The following DACH1 variants were observed in gnomAD, a reference collection of about 807,000 sequenced individuals.
The protein encoded by DACH1 is dachshund family transcription factor 1.
Under a neutral mutation model 54.2 loss-of-function variants are expected in DACH1, and 12 were observed. The ratio of observed to expected loss-of-function variants is 0.22; its 90% confidence interval spans 0.14 to 0.36. The LOEUF (loss-of-function observed/expected upper bound fraction) is 0.36, where lower values mean the gene tolerates loss of function less well. Among genes scored for constraint, DACH1 ranks in the 10% least tolerant of loss-of-function variants. The pLI is 1.00. For synonymous variants in DACH1, 386 were observed against 366.2 expected (o/e 1.05, Z -0.62); for missense variants, 805 against 929.8 (o/e 0.87, Z 1.75).
At chr13:71,673,177 G>T (rs951584640) in intron 2 of DACH1, among the ~76,000 whole-genome samples, 12 of 152,054 alleles carry the variant, frequency 7.9e-5, no homozygotes, top group African/African-American at 2.7e-4. Flanking sequence ...GTAGATGAGA[G>T]GACTGTCCAG....
chr13:71,611,862 A>G (rs1254376818), intron 3 of DACH1, among the ~76,000 whole-genome samples: 1 of 152,138 alleles, frequency 6.6e-6, no homozygotes, highest in Non-Finnish European at 1.5e-5. Flanking sequence ...AAAATTCCCA[A>G]GATGTGCATG....
rs2138254476 is a variant in DACH1, at chr13:71,509,912, A to T, written c.1571-20764T>A. On this transcript the variant is annotated intron_variant, in intron 6 of 10. Transcript: ENST00000613252. ...CTCTGTTATCTTATCTTTTCCTCAC[A>T]ATTTAATCTTGAGCTCATTCTAGTC... Among the ~76,000 whole-genome samples, 3 of 152,166 alleles carry T rather than the reference A, an allele frequency of 2.0e-5. No individual in the cohort carries two copies. The South Asian group carries it at 6.2e-4, about 32-fold the overall frequency.
At chr13:71,750,076 G>A (rs182493070) in intron 1 of DACH1, among the ~76,000 whole-genome samples, 1 of 152,222 alleles carries the variant, frequency 6.6e-6, no homozygotes, top group Non-Finnish European at 1.5e-5. Flanking sequence ...CAAAAATTCT[G>A]TCACATTCAC....
intron 1 of DACH1, among the ~76,000 whole-genome samples, chr13:71,799,638 C>T (rs915280207): frequency 6.6e-6 from 1 of 152,014 alleles, no homozygotes; most frequent in African/African-American, 2.4e-5. Context: ...CATTCGGCAC[C>T]CTGACTGGCA....
chr13:71,808,531 T>C (rs1322308416), intron 1 of DACH1, among the ~76,000 whole-genome samples: 2 of 152,208 alleles, frequency 1.3e-5, no homozygotes, highest in Non-Finnish European at 2.9e-5. Flanking sequence ...GGCACTAATG[T>C]AATCTATTTC....
intron 3 of DACH1, among the ~76,000 whole-genome samples, chr13:71,575,667 A>G (rs1885483842): frequency 6.6e-6 from 1 of 152,078 alleles, no homozygotes; most frequent in Admixed American, 6.6e-5. Context: ...CGTCACAGAT[A>G]TCAGTCCCTT....
intron 1 of DACH1, among the ~76,000 whole-genome samples, chr13:71,832,215 T>C (rs1888619872): frequency 6.6e-6 from 1 of 151,966 alleles, no homozygotes; most frequent in African/African-American, 2.4e-5. Context: ...TGGGAATAAA[T>C]GAAGTGGATC....
intron 1 of DACH1, among the ~76,000 whole-genome samples, chr13:71,735,201 GA>G (rs1025972703): frequency 4.7e-5 from 7 of 149,444 alleles, no homozygotes; most frequent in African/African-American, 1.7e-4. Context: ...ATGTATATGG[GA>G]TACACGTATA....
chr13:71,559,978 G>A lies in DACH1; in HGVS notation c.1300-23C>T, dbSNP rs773511448. ...CTCCTGCACCAGCAAGAGAGGGAAG[G>A]AGGGTAGAAAAGATGTTAAATACAA... On this transcript the variant is annotated intron_variant, in intron 4 of 10. Coordinates refer to ENST00000613252, the MANE Select transcript of DACH1 (RefSeq NM_080759.6). 22 of 1,492,160 alleles carry A rather than the reference G, an allele frequency of 1.5e-5. No homozygotes were observed. The African/African-American group carries it at 2.4e-4, about 16-fold the overall frequency. 92.4% of individuals were successfully genotyped at this position (1,492,160 alleles called of 1,614,324 possible).
intron 1 of DACH1, among the ~76,000 whole-genome samples, chr13:71,685,446 G>A (rs1004207617): frequency 6.6e-6 from 1 of 152,092 alleles, no homozygotes; most frequent in African/African-American, 2.4e-5. Context: ...AATACTTGTA[G>A]GGACAAGTAA....
rs151244694 is a variant in DACH1, at chr13:71,494,367, G to A, written c.1571-5219C>T. On this transcript the variant is annotated intron_variant, in intron 6 of 10. Transcript: ENST00000613252. Reference sequence around the variant, plus strand: ...TTGCAATTTTGATACTTTGAGTTTTGAATTTTGACTTTTTTTCCCCTGGGT... The same window carrying A: ...TTGCAATTTTGATACTTTGAGTTTTAAATTTTGACTTTTTTTCCCCTGGGT... Among the ~76,000 whole-genome samples, 411 of 151,850 alleles carry A rather than the reference G, an allele frequency of 2.7e-3. 2 individuals are homozygous for A. The highest frequency in any genetic ancestry group is 9.3e-3 in the African/African-American group (387 of 41,400).
chr13:71,531,503 A>T (rs1451831834), intron 6 of DACH1, among the ~76,000 whole-genome samples: 1 of 152,056 alleles, frequency 6.6e-6, no homozygotes, highest in East Asian at 1.9e-4. Flanking sequence ...GAAACTTTAT[A>T]ATCTCATATG....
chr13:71,664,771 A>G (rs1879722499), intron 2 of DACH1, among the ~76,000 whole-genome samples: 1 of 152,058 alleles, frequency 6.6e-6, no homozygotes, highest in Non-Finnish European at 1.5e-5. Context: ...CGTATTTTCC[A>G]AAATCTTGTA....
At chr13:71,446,187 C>T (rs1404985419) in intron 10 of DACH1, among the ~76,000 whole-genome samples, 1 of 152,146 alleles carries the variant, frequency 6.6e-6, no homozygotes, top group East Asian at 1.9e-4. Flanking sequence ...AAAGGTTACT[C>T]GTTGTACATC....
intron 1 of DACH1, among the ~76,000 whole-genome samples, chr13:71,768,370 G>C (rs1885722206): frequency 6.6e-6 from 1 of 151,916 alleles, no homozygotes; most frequent in South Asian, 2.1e-4. Context: ...GGAAGGTTTA[G>C]GATGTGCCAA....
chr13:71,628,316 T>C (rs1326652797), intron 3 of DACH1, among the ~76,000 whole-genome samples: 1 of 152,096 alleles, frequency 6.6e-6, no homozygotes, highest in East Asian at 1.9e-4. Flanking sequence ...TCTAGATATA[T>C]ACCTGGGGTG....
rs1462472299 is a variant in DACH1, at chr13:71,631,606, C to T, written c.965-889G>A. ...GCTGATTTAAGTGACATAAAAGTAG[C>T]TTAATCATCTTAATAACCCTCTGTG... On this transcript the variant is annotated intron_variant, in intron 2 of 10. Transcript: ENST00000613252. Among the ~76,000 whole-genome samples the T allele has an allele frequency of 2.0e-5, 3 of 152,178 alleles. No homozygotes were observed. The East Asian group carries it at 5.8e-4, about 29-fold the overall frequency.
chr13:71,676,183 A>C (rs74677268), intron 2 of DACH1, among the ~76,000 whole-genome samples: 11,047 of 152,192 alleles, frequency 0.073, 727 homozygotes, highest in East Asian at 0.2. Context: ...TGAAATACAG[A>C]GCATTTATTA....
chr13:71,458,783 A>G (rs1875813242), intron 10 of DACH1, among the ~76,000 whole-genome samples: 1 of 151,916 alleles, frequency 6.6e-6, no homozygotes, highest in South Asian at 2.1e-4. Flanking sequence ...ACACCTTTAT[A>G]TAAATAAAAC....
Sources: gnomAD v4.1 joint callset for allele counts (sites outside exome capture counted in the v4.1 genomes callset) on GRCh38, gnomAD v4.1.1 for gene constraint, MANE v1.5 for transcripts, NCBI Gene and HGNC (gene_info 2026-07-23, HGNC 2026-07-21) for gene names.